The following DNMT3A variants were observed in gnomAD, a reference collection of about 807,000 sequenced individuals.
DNMT3A encodes DNA methyltransferase 3 alpha.
DNMT3A carries 267 observed loss-of-function variants against 117.6 expected under a neutral mutation model. The ratio of observed to expected loss-of-function variants is 2.27; its 90% confidence interval spans 2.05 to 2.51. The LOEUF (loss-of-function observed/expected upper bound fraction) is 2.51. DNMT3A is among the 30% of genes most tolerant of loss of function. DNMT3A has a pLI of 0.00. For missense variants in DNMT3A, 1,029 were observed against 1,260.2 expected (o/e 0.82, Z 2.78); for synonymous variants, 432 against 474.8 (o/e 0.91, Z 1.17).
chr2:25,244,908 C>T (rs549413189), intron 13 of DNMT3A, among the ~76,000 whole-genome samples: 68 of 152,342 alleles, frequency 4.5e-4, no homozygotes, highest in Middle Eastern at 3.4e-3. Context: ...CTTGGGCCTT[C>T]CTGCAGCCCT....
chr2:25,239,136 AT>A lies in DNMT3A; in HGVS notation c.2401del (p.Met801Ter). 6.2e-7 allele frequency: 1 copy of A among 1,613,970 alleles called. No individual in the cohort carries two copies. Among genetic ancestry groups the A allele is most frequent in the Non-Finnish European group, 8.5e-7 (1 of 1,179,896 alleles). Reference sequence around the variant, plus strand: ...CCCAGGAGCTTTCACCAACCTGTTCATACCGGGAAGGTTACCCCAGAAGTAG... The same window carrying A: ...CCCAGGAGCTTTCACCAACCTGTTCAACCGGGAAGGTTACCCCAGAAGTAG... ...ARYFWGNLPG[M>X]NRPLASTVND... On this transcript the variant is annotated frameshift_variant, in exon 20 of 23. Coordinates refer to ENST00000321117, the MANE Select transcript of DNMT3A (RefSeq NM_022552.5). LOFTEE classifies it high-confidence loss of function.
At position 25,330,437 on chromosome 2, in the gene DNMT3A, C is replaced by T. The variant is rs1179288327; in HGVS notation, c.-178+11389G>A. On this transcript the variant is annotated intron_variant, in intron 1 of 22. Transcript: ENST00000321117. ...AACAAGAGCCCCGCTGCGAAGCCAT[C>T]TTCCCAGCAGATCCTCCAGAATGCA... Among the ~76,000 whole-genome samples, 6 of 152,250 alleles carry T rather than the reference C, an allele frequency of 3.9e-5. No homozygotes were observed. The South Asian group carries it at 1.0e-3, about 26-fold the overall frequency.
Position 25,278,488 on chromosome 2 carries a change from C to T in DNMT3A, c.449-2945G>A, listed in dbSNP as rs562327477. On this transcript the variant is annotated intron_variant, in intron 4 of 22. Transcript: ENST00000321117. ...GCATAATCTTGGGTAAGTAATTTAA[C>T]CTTTCTGAAGCTTCAGTCTCCCCAT... 7.9e-5 allele frequency among the ~76,000 whole-genome samples: 12 copies of T among 152,310 alleles called. No individual in the cohort carries two copies. In the South Asian group the frequency reaches 2.5e-3, roughly 32 times the overall value.
intron 6 of DNMT3A, among the ~76,000 whole-genome samples, chr2:25,255,645 C>G (rs1676043450): frequency 6.6e-6 from 1 of 152,160 alleles, no homozygotes; most frequent in Non-Finnish European, 1.5e-5. Flanking sequence ...ATTCATCAAG[C>G]AAACTTCCAA....
chr2:25,247,102 G>T lies in DNMT3A; in HGVS notation c.1071C>A (p.Ala357=), dbSNP rs930562296. The T allele has an allele frequency of 6.2e-7, 1 of 1,614,098 alleles. No homozygotes were observed. The highest frequency in any genetic ancestry group is 8.5e-7 in the Non-Finnish European group (1 of 1,180,008). ...LSSFCSAFHQ[A]TYNKQPMYRK... ...GGTACATGGGCTGCTTGTTGTACGTGGCCTGGTGGAACGCACTGCAAAACG... is the reference window on the plus strand; with the variant it reads ...GGTACATGGGCTGCTTGTTGTACGTTGCCTGGTGGAACGCACTGCAAAACG... The change falls in exon 9 of 23, where the codon GCC becomes GCA. Residue 357 remains alanine, a synonymous_variant. Transcript: ENST00000321117. The surrounding 1 kb of genome is among the most constrained non-coding windows in gnomAD (Gnocchi z 5.6).
In DNMT3A at chr2:25,230,168, C is replaced by T. The variant is rs1289111969; in HGVS notation, c.*4111G>A. 1 of 152,266 alleles carries T rather than the reference C, an allele frequency of 6.6e-6. No homozygotes were observed. Among genetic ancestry groups the T allele is most frequent in the Non-Finnish European group, 1.5e-5 (1 of 68,058 alleles). 9.4% of individuals were successfully genotyped at this position (152,266 alleles called of 1,614,324 possible). A position where few individuals can be genotyped will look rare whatever the true frequency, so the allele number is the denominator to read the frequency against. On this transcript the variant is annotated 3_prime_UTR_variant, in exon 23 of 23. Coordinates refer to ENST00000321117, the MANE Select transcript of DNMT3A (RefSeq NM_022552.5). Reference sequence around the variant, plus strand: ...TTCAATAGCAAGAAGTCTCTGGGGCCTAGAGACAAAAGGACAGCAACAGAT... The same window carrying T: ...TTCAATAGCAAGAAGTCTCTGGGGCTTAGAGACAAAAGGACAGCAACAGAT...
chr2:25,247,810 C>A lies in DNMT3A; in HGVS notation c.856-61G>T. 6.3e-7 allele frequency: 1 copy of A among 1,584,642 alleles called. No homozygotes were observed. The highest frequency in any genetic ancestry group is 8.6e-7 in the Non-Finnish European group (1 of 1,169,450). ...GTCACGAGGCCCTGCCACCCTGATC[C>A]CCCCATGGCAACCCCAGCCCTGGGC... On this transcript the variant is annotated intron_variant, in intron 7 of 22. Transcript: ENST00000321117. The surrounding 1 kb of genome is among the most constrained non-coding windows in gnomAD (Gnocchi z 5.6).
In DNMT3A at chr2:25,282,333, G is replaced by C; in HGVS notation, c.448+108C>G. 1 of 1,513,234 alleles carries C rather than the reference G, an allele frequency of 6.6e-7. No homozygotes were observed. Among genetic ancestry groups the C allele is most frequent in the Admixed American group, 2.1e-5 (1 of 48,234 alleles). 93.7% of individuals were successfully genotyped at this position (1,513,234 alleles called of 1,614,324 possible). A position where few individuals can be genotyped will look rare whatever the true frequency, so the allele number is the denominator to read the frequency against. On this transcript the variant is annotated intron_variant, in intron 4 of 22. Coordinates refer to ENST00000321117, the MANE Select transcript of DNMT3A (RefSeq NM_022552.5). This position sits in a 1 kb window ranked among gnomAD's most constrained non-coding sequence, Gnocchi z 5.2. ...CATAGCCTTGGCAAGCAGACCTTTA[G>C]CCACGACCCAGACCATCCTTCCTGG...
chr2:25,286,995 C>T lies in DNMT3A; in HGVS notation c.178-4284G>A, dbSNP rs1325276942. On this transcript the variant is annotated intron_variant, in intron 3 of 22. Transcript: ENST00000321117. This position sits in a 1 kb window ranked among gnomAD's most constrained non-coding sequence, Gnocchi z 4.3. Reference sequence around the variant, plus strand: ...CTAGACTTAGCAGGGAGTGGGGCACCTGACAGGTGCTCAGACAATATTCAC... The same window carrying T: ...CTAGACTTAGCAGGGAGTGGGGCACTTGACAGGTGCTCAGACAATATTCAC... Among the ~76,000 whole-genome samples the T allele has an allele frequency of 6.6e-6, 1 of 152,230 alleles. No homozygotes were observed. Among genetic ancestry groups the T allele is most frequent in the Non-Finnish European group, 1.5e-5 (1 of 68,050 alleles).
At chr2:25,334,240 G>A (rs1036824786) in intron 1 of DNMT3A, among the ~76,000 whole-genome samples, 2 of 152,152 alleles carry the variant, frequency 1.3e-5, no homozygotes, top group Non-Finnish European at 2.9e-5. Context: ...GAGCTTCCTG[G>A]GGTAGCAAGA....
chr2:25,262,879 C>T (rs1350227883), intron 6 of DNMT3A, among the ~76,000 whole-genome samples: 1 of 152,168 alleles, frequency 6.6e-6, no homozygotes, highest in Non-Finnish European at 1.5e-5. Flanking sequence ...CCTAAACAAC[C>T]CAGAAGTCAT....
At chr2:25,335,011 C>G (rs1238607550) in intron 1 of DNMT3A, among the ~76,000 whole-genome samples, 1 of 152,204 alleles carries the variant, frequency 6.6e-6, no homozygotes, top group African/African-American at 2.4e-5. Flanking sequence ...AGTTAAAAAG[C>G]AAAAACTTGT....
rs141606269 is a variant in DNMT3A, at chr2:25,234,417, T to G, written c.2601A>C (p.Val867=). The G allele has an allele frequency of 1.6e-5, 26 of 1,612,226 alleles. No homozygotes were observed. The highest frequency in any genetic ancestry group is 2.1e-5 in the Non-Finnish European group (25 of 1,179,126). ...DILWCTEMER[V]FGFPVHYTDV... ...CAGTATAGTGGACTGGGAAACCAAA[T>G]ACCCTGGGGGAGAAAAGGCAGAGAG... is the stretch of plus-strand genomic sequence containing the variant. Residue 867 remains valine (V), a synonymous_variant, in exon 23 of 23, where the codon GTA becomes GTC. Transcript: ENST00000321117. This position sits in a 1 kb window ranked among gnomAD's most constrained non-coding sequence, Gnocchi z 4.5.
In DNMT3A at chr2:25,275,023, G is replaced by A. The variant is rs1398311586; in HGVS notation, c.557C>T (p.Pro186Leu). The A allele has an allele frequency of 6.2e-7, 1 of 1,611,120 alleles. No homozygotes were observed. The highest frequency in any genetic ancestry group is 8.5e-7 in the Non-Finnish European group (1 of 1,178,976). Reference protein sequence around the residue: ...WESSLRQRPMPRLTFQAGDPY... With the variant: ...WESSLRQRPMLRLTFQAGDPY... ...GTCCCCCGCCTGGAAGGTGAGCCTC[G>A]GCATGGGCCGCTGACGGAGGCTGGA... The change falls in exon 6 of 23, where the codon CCG becomes CTG. Residue 186 changes from proline (P) to leucine (L), a missense_variant. By Grantham distance (98) the Pro-to-Leu change is moderately conservative. Transcript: ENST00000321117.
At chr2:25,318,564 G>A (rs191058498) in intron 1 of DNMT3A, among the ~76,000 whole-genome samples, 99 of 152,300 alleles carry the variant, frequency 6.5e-4, no homozygotes, top group Middle Eastern at 3.4e-3. Context: ...GGAATTACAG[G>A]TGTGAGCCAC....
At position 25,306,337 on chromosome 2, in the gene DNMT3A, C is replaced by T. The variant is rs2033779912; in HGVS notation, c.73-6094G>A. 6.6e-6 allele frequency among the ~76,000 whole-genome samples: 1 copy of T among 152,204 alleles called. No individual in the cohort carries two copies. Among genetic ancestry groups the T allele is most frequent in the South Asian group, 2.1e-4 (1 of 4,832 alleles). ...CCCCTACTTTTTCTGATCTCAGTCA[C>T]CTCCCAAGGCTCATCAGCCCTTTAT... On this transcript the variant is annotated intron_variant, in intron 2 of 22. Coordinates refer to ENST00000321117, the MANE Select transcript of DNMT3A (RefSeq NM_022552.5). This position sits in a 1 kb window ranked among gnomAD's most constrained non-coding sequence, Gnocchi z 4.1.
In DNMT3A at chr2:25,267,000, TAAAC is replaced by T. The variant is rs1381565156; in HGVS notation, c.639+7937_639+7940del. ...TGCAATGCTAAACAGTAAAATATCA[TAAAC>T]AACATAAATGGCCACCAATAACAGA... On this transcript the variant is annotated intron_variant, in intron 6 of 22. Transcript: ENST00000321117. Among the ~76,000 whole-genome samples, 6 of 152,110 alleles carry T rather than the reference TAAAC, an allele frequency of 3.9e-5. No homozygotes were observed. The East Asian group carries it at 1.2e-3, about 29-fold the overall frequency.
At chr2:25,338,955 C>T (rs760032540) in intron 1 of DNMT3A, among the ~76,000 whole-genome samples, 1 of 152,096 alleles carries the variant, frequency 6.6e-6, no homozygotes, top group Admixed American at 6.5e-5. Flanking sequence ...ATACACAAAC[C>T]TACAGGATAC....
At chr2:25,340,472 G>A (rs986426702) in intron 1 of DNMT3A, among the ~76,000 whole-genome samples, 3 of 152,088 alleles carry the variant, frequency 2.0e-5, no homozygotes, top group Non-Finnish European at 2.9e-5. Context: ...GCTGGGGGAG[G>A]CCAGGGGCGG....
Sources: allele counts gnomAD v4.1 joint callset (sites outside exome capture counted in the v4.1 genomes callset), GRCh38; gene constraint gnomAD v4.1.1; non-coding constraint Gnocchi (gnomAD v3.1); transcripts MANE v1.5; gene names NCBI Gene and HGNC (gene_info 2026-07-23, HGNC 2026-07-21).